The following USP31 variants were observed in gnomAD, a reference collection of about 807,000 sequenced individuals.
USP31 encodes ubiquitin carboxyl-terminal hydrolase 31.
USP31 carries 44 observed loss-of-function variants against 119.4 expected under a neutral mutation model. The observed-to-expected ratio is 0.37, with a 90% CI of 0.29 to 0.47. The LOEUF (loss-of-function observed/expected upper bound fraction) is 0.47. Ranked by LOEUF, USP31 falls within the 20% of genes least tolerant of loss-of-function variation. USP31 has a pLI of 0.99. For synonymous variants in USP31, 749 were observed against 705.6 expected, an observed-to-expected ratio of 1.06 and a Z score of -0.97; for missense variants, 1,643 against 1,730.2, an observed-to-expected ratio of 0.95 and a Z score of 0.89.
chr16:23,091,732 T>C (rs1901371529), intron 6 of USP31, among the ~76,000 whole-genome samples: 1 of 152,010 alleles, frequency 6.6e-6, no homozygotes, highest in African/African-American at 2.4e-5. Flanking sequence ...AAATTCCAGA[T>C]AGAGTTTAAA....
At chr16:23,078,312 A>C (rs539787198) in intron 13 of USP31, among the ~76,000 whole-genome samples, 154 of 79,134 alleles carry the variant, frequency 1.9e-3, no homozygotes, top group African/African-American at 2.4e-3. Flanking sequence ...CTCCGTCGCA[A>C]AAAAAAAAAA....
chr16:23,108,671 G>A (rs1414270582), intron 1 of USP31, among the ~76,000 whole-genome samples: 2 of 152,154 alleles, frequency 1.3e-5, no homozygotes, highest in Admixed American at 6.5e-5. Flanking sequence ...TTAGGGGGGT[G>A]TAGACATATA....
chr16:23,093,297 A>C (rs1901451759), intron 6 of USP31, among the ~76,000 whole-genome samples: 1 of 152,244 alleles, frequency 6.6e-6, no homozygotes, highest in Non-Finnish European at 1.5e-5. Context: ...AGTATTATAC[A>C]TCCTTACAAA....
chr16:23,105,122 C>T (rs1013434507), intron 5 of USP31, among the ~76,000 whole-genome samples: 37 of 152,186 alleles, frequency 2.4e-4, no homozygotes, highest in Admixed American at 1.3e-4. Flanking sequence ...ACTGCGAGGA[C>T]GCTCCACTGC....
At chr16:23,088,708 T>C (rs1901223146) in intron 7 of USP31, among the ~76,000 whole-genome samples, 1 of 152,248 alleles carries the variant, frequency 6.6e-6, no homozygotes. Context: ...GGAGGCACCC[T>C]GTTGGCTTGT....
chr16:23,123,381 T>A (rs1260730174), intron 1 of USP31, among the ~76,000 whole-genome samples: 1 of 151,742 alleles, frequency 6.6e-6, no homozygotes, highest in Non-Finnish European at 1.5e-5. Flanking sequence ...CTACTAAAAA[T>A]ACAAAAATCA....
chr16:23,106,588 C>A, intron 2 of USP31, 101 bp from the exon 3 acceptor site: 1 of 1,208,176 alleles, frequency 8.3e-7, no homozygotes, highest in Non-Finnish European at 1.1e-6. Flanking sequence ...CCTTTACAAG[C>A]TATGCATCAA....
chr16:23,122,330 T>C (rs1902698985), intron 1 of USP31, among the ~76,000 whole-genome samples: 1 of 152,182 alleles, frequency 6.6e-6, no homozygotes, highest in Non-Finnish European at 1.5e-5. Flanking sequence ...TTGATGAGGA[T>C]ATGGAAAAAC....
At chr16:23,102,931 G>T (rs1439444974) in intron 5 of USP31, among the ~76,000 whole-genome samples, 1 of 152,162 alleles carries the variant, frequency 6.6e-6, no homozygotes, top group Non-Finnish European at 1.5e-5. Flanking sequence ...AAAGTATACA[G>T]GATGATATGC....
chr16:23,094,816 C>T (rs1034710338), intron 6 of USP31, among the ~76,000 whole-genome samples: 1 of 151,416 alleles, frequency 6.6e-6, no homozygotes, highest in African/African-American at 2.4e-5. Flanking sequence ...CCAACATCAA[C>T]AAAAATGACA....
chr16:23,105,329 G>T, intron 5 of USP31, 112 bp downstream of exon 5: 2 of 1,305,336 alleles, frequency 1.5e-6, no homozygotes, highest in Non-Finnish European at 2.0e-6. Flanking sequence ...AAATGCAACT[G>T]GTTTTAAATC....
chr16:23,099,913 C>A (rs539257052), intron 6 of USP31, among the ~76,000 whole-genome samples: 1 of 152,098 alleles, frequency 6.6e-6, no homozygotes, highest in African/African-American at 2.4e-5. Flanking sequence ...AAATGGCCAA[C>A]AAGCACAAGA....
At position 23,080,109 on chromosome 16, in the gene USP31, C is replaced by A; in HGVS notation, c.2013G>T (p.Met671Ile). 1 of 1,609,904 alleles carries A rather than the reference C, an allele frequency of 6.2e-7. No individual in the cohort carries two copies. Among genetic ancestry groups the A allele is most frequent in the South Asian group, 1.1e-5 (1 of 90,162 alleles). The change falls in exon 13 of 16, where the codon ATG becomes ATT. Residue 671 changes from methionine (M) to isoleucine (I), a missense_variant. Met to Ile is a conservative substitution (Grantham distance 10). Around this residue, in one of 5 missense-constraint regions of USP31, gnomAD observed 279 missense variants for 372.2 expected, o/e 0.75. Coordinates refer to ENST00000219689, the MANE Select transcript of USP31 (RefSeq NM_020718.4). ...MVKFPLTGLDMTPHVVKRSQS... is the reference protein window; with the variant it reads ...MVKFPLTGLDITPHVVKRSQS... ...GGCTCCTCTTAACCACGTGAGGTGT[C>A]ATGTCCAGGCCAGTCAAGGGGAATT... is the stretch of plus-strand genomic sequence containing the variant.
rs544332221 is a variant in USP31, at chr16:23,087,082, T to A, written c.1622+10A>T. On this transcript the variant is annotated intron_variant, in intron 9 of 15. Coordinates refer to ENST00000219689, the MANE Select transcript of USP31 (RefSeq NM_020718.4). ...TTCTAAAAGGTAATTTAAAAAAAAA[T>A]TTTTTTTACCTTTCTACTATTGGGT... 707 of 1,587,374 alleles carry A rather than the reference T, an allele frequency of 4.5e-4. No homozygotes were observed. The highest frequency in any genetic ancestry group is 7.2e-4 in the East Asian group (32 of 44,188).
At chr16:23,148,581 G>A in intron 1 of USP31, 57 bp downstream of exon 1, 4 of 1,406,030 alleles carry the variant, frequency 2.8e-6, no homozygotes, top group Middle Eastern at 2.6e-4. Context: ...AGACCTGGGC[G>A]GGCAGGTGCC....
intron 6 of USP31, among the ~76,000 whole-genome samples, chr16:23,097,702 A>G (rs958438609): frequency 6.6e-6 from 1 of 152,246 alleles, no homozygotes; most frequent in Non-Finnish European, 1.5e-5. Flanking sequence ...TCCATCACAT[A>G]AACAGAACCA....
In USP31 at chr16:23,148,815, G is replaced by C; in HGVS notation, c.456C>G (p.Phe152Leu). The change falls in exon 1 of 16, where the codon TTC becomes TTG. Residue 152 changes from phenylalanine to leucine, a missense_variant. Physicochemically the swap from Phe to Leu is conservative, Grantham distance 22. Transcript: ENST00000219689. The part of the protein sequence containing the change: ...TLQCLSNTEL[F>L]AEYLALGQYR... ...ACTGGCCCAGCGCCAGGTACTCGGC[G>C]AAGAGCTCGGTGTTGCTGAGGCACT... The C allele has an allele frequency of 6.5e-7, 1 of 1,538,336 alleles. No individual in the cohort carries two copies. Among genetic ancestry groups the C allele is most frequent in the South Asian group, 1.2e-5 (1 of 81,948 alleles).
intron 1 of USP31, among the ~76,000 whole-genome samples, chr16:23,128,132 A>G (rs1371460091): frequency 6.6e-6 from 1 of 152,212 alleles, no homozygotes; most frequent in Non-Finnish European, 1.5e-5. Flanking sequence ...TGAATTCATG[A>G]TTTAGCTTTA....
chr16:23,145,067 C>A (rs1372575180), intron 1 of USP31, among the ~76,000 whole-genome samples: 1 of 152,128 alleles, frequency 6.6e-6, no homozygotes, highest in South Asian at 2.1e-4. Flanking sequence ...GTGCAGCCAG[C>A]CACTAAATGT....
Sources: allele counts gnomAD v4.1 joint callset (sites outside exome capture counted in the v4.1 genomes callset), GRCh38; gene constraint gnomAD v4.1.1; regional missense constraint gnomAD v4.1.1; transcripts MANE v1.5; gene names NCBI Gene and HGNC (gene_info 2026-07-23, HGNC 2026-07-21).